Variants in TAMALIN observed in about 807,000 individuals in gnomAD.
The protein encoded by TAMALIN is protein TAMALIN.
In TAMALIN, 9 loss-of-function variants were observed where a neutral mutation model predicts 38.5. That is an observed-to-expected ratio of 0.23 (90% CI 0.14 to 0.41). The LOEUF (loss-of-function observed/expected upper bound fraction) is 0.41, where lower values mean the gene tolerates loss of function less well. Among genes scored for constraint, TAMALIN ranks in the 10% least tolerant of loss-of-function variants. The pLI is 1.00. For synonymous variants in TAMALIN, 306 were observed against 256.5 expected (o/e 1.19, Z -1.85); for missense variants, 548 against 554.1 (o/e 0.99, Z 0.11).
rs1942436302 is a variant in TAMALIN, at chr12:52,007,634, C to T, written c.246+369C>T. The stretch of plus-strand genomic sequence containing the variant: ...CCCCTCGCCCGAGGGACAGAGACAG[C>T]CCCAGGCAAGTTGAAGGTCCGAGAG... On this transcript the variant is annotated intron_variant, in intron 1 of 7. Transcript: ENST00000293662. This position sits in a 1 kb window ranked among gnomAD's most constrained non-coding sequence, Gnocchi z 6.7. 1.0e-6 allele frequency: 1 copy of T among 985,358 alleles called. No individual in the cohort carries two copies. The highest frequency in any genetic ancestry group is 1.2e-6 in the Non-Finnish European group (1 of 829,880). The allele number at this position is 985,358 out of a possible 1,614,324, so 61.0% of individuals were successfully genotyped here.
chr12:52,007,909 C>T lies in TAMALIN; in HGVS notation c.246+644C>T, dbSNP rs1942442147. On this transcript the variant is annotated intron_variant, in intron 1 of 7. Coordinates refer to ENST00000293662, the MANE Select transcript of TAMALIN (RefSeq NM_181711.4). The surrounding 1 kb of genome is among the most constrained non-coding windows in gnomAD (Gnocchi z 6.7). Reference sequence around the variant, plus strand: ...CCCGCGGGGCAGGAAGGATGCGGGCCGCGCCCACCTCTGAGTCCCCTCTGC... The same window carrying T: ...CCCGCGGGGCAGGAAGGATGCGGGCTGCGCCCACCTCTGAGTCCCCTCTGC... 1.0e-6 allele frequency: 1 copy of T among 985,398 alleles called. No individual in the cohort carries two copies. 61.0% of individuals were successfully genotyped at this position (985,398 alleles called of 1,614,324 possible). A position where few individuals can be genotyped will look rare whatever the true frequency, so the allele number is the denominator to read the frequency against.
chr12:52,007,414 C>T lies in TAMALIN; in HGVS notation c.246+149C>T. The T allele has an allele frequency of 7.9e-7, 1 of 1,270,502 alleles. No homozygotes were observed. The highest frequency in any genetic ancestry group is 9.9e-7 in the Non-Finnish European group (1 of 1,009,576). 78.7% of individuals were successfully genotyped at this position (1,270,502 alleles called of 1,614,324 possible). On this transcript the variant is annotated intron_variant, in intron 1 of 7. Transcript: ENST00000293662. This position sits in a 1 kb window ranked among gnomAD's most constrained non-coding sequence, Gnocchi z 6.7. ...TGGGTGCCTCGACTCCCCGCGTTCC[C>T]CGCTGCTGCGAAGGCCGTGGCCCTC... is the stretch of plus-strand genomic sequence containing the variant.
At position 52,015,258 on chromosome 12, in the gene TAMALIN, AG is replaced by A; in HGVS notation, c.*64del. The stretch of plus-strand genomic sequence containing the variant: ...TATTCGCAACAGCCAGCGCTAAAAG[AG>A]GGGGAGGCCGAGCCAAGAGGACCCC... On this transcript the variant is annotated 3_prime_UTR_variant, in exon 8 of 8. Transcript: ENST00000293662. 1.3e-6 allele frequency: 2 copies of A among 1,497,082 alleles called. No homozygotes were observed. The highest frequency in any genetic ancestry group is 1.2e-5 in the South Asian group (1 of 80,536). 92.7% of individuals were successfully genotyped at this position (1,497,082 alleles called of 1,614,324 possible). A position where few individuals can be genotyped will look rare whatever the true frequency, so the allele number is the denominator to read the frequency against.
At chr12:52,008,873 C>A (rs1450956909) in intron 1 of TAMALIN, 2 of 486,922 alleles carry the variant, frequency 4.1e-6, no homozygotes, top group Non-Finnish European at 5.3e-6. Flanking sequence ...GGGGTGGAGA[C>A]CATTTTAGAA....
intron 4 of TAMALIN, 154 bp from the exon 5 acceptor site, chr12:52,013,533 G>A (rs1218156229): frequency 6.2e-6 from 4 of 643,150 alleles, no homozygotes; most frequent in South Asian, 1.8e-5. Context: ...GATGTCAGAG[G>A]AGATCTACAG....
rs1259448822 is a variant in TAMALIN, at chr12:52,015,045, G to A, written c.1034G>A (p.Gly345Glu). 5 of 1,359,008 alleles carry A rather than the reference G, an allele frequency of 3.7e-6. No homozygotes were observed. Among genetic ancestry groups the A allele is most frequent in the Non-Finnish European group, 4.7e-6 (5 of 1,063,092 alleles). The allele number at this position is 1,359,008 out of a possible 1,614,324, so 84.2% of individuals were successfully genotyped here. Residue 345 changes from glycine to glutamate, a missense_variant, in exon 8 of 8, where the codon GGG becomes GAG. By Grantham distance (98) the Gly-to-Glu change is moderately conservative. Coordinates refer to ENST00000293662, the MANE Select transcript of TAMALIN (RefSeq NM_181711.4). ...GCGGGCCCTGGCGGGGGCGGAGGCG[G>A]GGGCGCGCCGGGCGCGCTCTGGACT... ...RCAGPGGGGGGGAPGALWTEA... is the reference protein window; with the variant it reads ...RCAGPGGGGGEGAPGALWTEA...
intron 4 of TAMALIN, among the ~76,000 whole-genome samples, chr12:52,013,079 T>TTC (rs1977120197): frequency 7.2e-6 from 1 of 138,626 alleles, no homozygotes; most frequent in African/African-American, 2.6e-5. Context: ...GAACTTCTTT[T>TTC]TTTTTTTTTT....
At position 52,007,657 on chromosome 12, in the gene TAMALIN, G is replaced by C; in HGVS notation, c.246+392G>C. On this transcript the variant is annotated intron_variant, in intron 1 of 7. Coordinates refer to ENST00000293662, the MANE Select transcript of TAMALIN (RefSeq NM_181711.4). The surrounding 1 kb of genome is among the most constrained non-coding windows in gnomAD (Gnocchi z 6.7). Reference sequence around the variant, plus strand: ...AGCCCCAGGCAAGTTGAAGGTCCGAGAGCCCCCGGTGGGAGAAGCGGGCCG... The same window carrying C: ...AGCCCCAGGCAAGTTGAAGGTCCGACAGCCCCCGGTGGGAGAAGCGGGCCG... The C allele has an allele frequency of 1.0e-6, 1 of 985,422 alleles. No homozygotes were observed. Among genetic ancestry groups the C allele is most frequent in the Non-Finnish European group, 1.2e-6 (1 of 829,920 alleles). The allele number at this position is 985,422 out of a possible 1,614,324, so 61.0% of individuals were successfully genotyped here. A position where few individuals can be genotyped will look rare whatever the true frequency, so the allele number is the denominator to read the frequency against.
chr12:52,014,040 ATTTCT>A, intron 6 of TAMALIN, 90 bp from the exon 7 acceptor site: 1 of 1,553,498 alleles, frequency 6.4e-7, no homozygotes, highest in South Asian at 1.1e-5. Flanking sequence ...GTAACTGAAG[ATTTCT>A]TTTGTCTACT....
intron 1 of TAMALIN, chr12:52,008,131 G>C (rs1942445193): frequency 1.0e-6 from 1 of 985,292 alleles, no homozygotes; most frequent in South Asian, 4.7e-5. Context: ...GGGTCTCTCT[G>C]TGCTGCCCAG....
chr12:52,013,551 T>A, intron 4 of TAMALIN, 136 bp from the exon 5 acceptor site: 1 of 682,274 alleles, frequency 1.5e-6, no homozygotes, highest in South Asian at 1.6e-5. Context: ...CAGAGAACCA[T>A]GAGGAGTTGG....
rs1937650393 is a variant in TAMALIN at position 52,011,709 on chromosome 12, C to G, written c.454+568C>G. ...CCTTGAACTCCTGGGCTCAAGCGATCCTCCTCTTGCCTCTGCCTCCCAAAG... is the reference window on the plus strand; with the variant it reads ...CCTTGAACTCCTGGGCTCAAGCGATGCTCCTCTTGCCTCTGCCTCCCAAAG... On this transcript the variant is annotated intron_variant, in intron 4 of 7. Transcript: ENST00000293662. This position sits in a 1 kb window ranked among gnomAD's most constrained non-coding sequence, Gnocchi z 5.3. Among the ~76,000 whole-genome samples the G allele has an allele frequency of 6.6e-6, 1 of 152,070 alleles. No individual in the cohort carries two copies. Among genetic ancestry groups the G allele is most frequent in the African/African-American group, 2.4e-5 (1 of 41,374 alleles).
rs1332061986 is a variant in TAMALIN, at chr12:52,007,653, CCG to C, written c.246+389_246+390del. The C allele has an allele frequency of 8.1e-6, 8 of 985,410 alleles. No individual in the cohort carries two copies. In the African/African-American group the frequency reaches 1.2e-4, roughly 15 times the overall value. 61.0% of individuals were successfully genotyped at this position (985,410 alleles called of 1,614,324 possible). On this transcript the variant is annotated intron_variant, in intron 1 of 7. Coordinates refer to ENST00000293662, the MANE Select transcript of TAMALIN (RefSeq NM_181711.4). The surrounding 1 kb of genome is among the most constrained non-coding windows in gnomAD (Gnocchi z 6.7). ...AGACAGCCCCAGGCAAGTTGAAGGTCCGAGAGCCCCCGGTGGGAGAAGCGGGC... is the reference window on the plus strand; with the variant it reads ...AGACAGCCCCAGGCAAGTTGAAGGTCAGAGCCCCCGGTGGGAGAAGCGGGC...
chr12:52,013,075 C>CTT (rs3035021), intron 4 of TAMALIN, among the ~76,000 whole-genome samples: 1,819 of 124,386 alleles, frequency 0.015, 68 homozygotes, highest in African/African-American at 0.048. Flanking sequence ...GACAGAACTT[C>CTT]TTTTTTTTTT....
chr12:52,007,153 C>T lies in TAMALIN; in HGVS notation c.134C>T (p.Ala45Val), dbSNP rs1160878943. 1 of 1,493,468 alleles carries T rather than the reference C, an allele frequency of 6.7e-7. No individual in the cohort carries two copies. 92.5% of individuals were successfully genotyped at this position (1,493,468 alleles called of 1,614,324 possible). The change falls in exon 1 of 8, where the codon GCC (alanine) becomes GTC (valine). Residue 45 changes from alanine to valine, a missense_variant. Ala to Val is a moderately conservative substitution (Grantham distance 64). Around this residue, in one of 3 missense-constraint regions of TAMALIN, gnomAD observed 128 missense variants for 117.9 expected, o/e 1.09. Coordinates refer to ENST00000293662, the MANE Select transcript of TAMALIN (RefSeq NM_181711.4). The surrounding 1 kb of genome is among the most constrained non-coding windows in gnomAD (Gnocchi z 6.7). ...PVPTPGPPAA[A>V]ATPGPPADEL... ...CCGACCCCGGGACCCCCTGCCGCAGCCGCCACCCCTGGGCCCCCAGCGGAC... is the reference window on the plus strand; with the variant it reads ...CCGACCCCGGGACCCCCTGCCGCAGTCGCCACCCCTGGGCCCCCAGCGGAC...
At position 52,010,404 on chromosome 12, in the gene TAMALIN, C is replaced by T. The variant is rs1007100260; in HGVS notation, c.297-477C>T. On this transcript the variant is annotated intron_variant, in intron 2 of 7. Transcript: ENST00000293662. ...GCCTCGAGGCTCCCCTCCCCCAGCC[C>T]CCACATCTGGTGGGCTGGCCCCAGC... 6.0e-6 allele frequency: 4 copies of T among 666,686 alleles called. No individual in the cohort carries two copies. The African/African-American group carries it at 7.9e-5, about 13-fold the overall frequency. The allele number at this position is 666,686 out of a possible 1,614,324, so 41.3% of individuals were successfully genotyped here.
rs1463083670 is a variant in TAMALIN, at chr12:52,015,167, C to G, written c.1156C>G (p.Arg386Gly). 6.3e-7 allele frequency: 1 copy of G among 1,593,586 alleles called. No homozygotes were observed. The change falls in exon 8 of 8, where the codon CGC (arginine) becomes GGC (glycine). Residue 386 changes from arginine (R) to glycine (G), a missense_variant. Physicochemically the swap from Arg to Gly is moderately radical, Grantham distance 125. Transcript: ENST00000293662. ...GCTCAAGTTCATCCCCGGACTCAAC[C>G]GCTCCCTGGAGGAGGAGGAGAGCCA... ...RLLKFIPGLN[R>G]SLEEEESQL is the part of the protein sequence containing the mutation.
At chr12:52,009,058 C>T in intron 1 of TAMALIN, 132 bp from the exon 2 acceptor site, 1 of 876,970 alleles carries the variant, frequency 1.1e-6, no homozygotes, top group Non-Finnish European at 1.9e-6. Flanking sequence ...TCCACCAGCA[C>T]CAAAACAGGT....
intron 7 of TAMALIN, 181 bp downstream of exon 7, chr12:52,014,382 C>T (rs1178779653): frequency 1.5e-6 from 1 of 651,580 alleles, no homozygotes; most frequent in South Asian, 1.8e-5. Context: ...TCTGGTTATT[C>T]TCACACTAGC....
Sources: allele counts gnomAD v4.1 joint callset (sites outside exome capture counted in the v4.1 genomes callset), GRCh38; gene constraint gnomAD v4.1.1; regional missense constraint gnomAD v4.1.1; non-coding constraint Gnocchi (gnomAD v3.1); transcripts MANE v1.5; gene names NCBI Gene and HGNC (gene_info 2026-07-23, HGNC 2026-07-21).